The following TDRD5 variants were observed in gnomAD, a reference collection of about 807,000 sequenced individuals.
The protein encoded by TDRD5 is tudor domain-containing protein 5.
In TDRD5, 41 loss-of-function variants were observed where a neutral mutation model predicts 120.6. The ratio of observed to expected loss-of-function variants is 0.34; its 90% CI spans 0.26 to 0.44. TDRD5 has a LOEUF of 0.44. Ranked by LOEUF, TDRD5 falls within the 20% of genes least tolerant of loss-of-function variation. The pLI is 1.00. For synonymous variants in TDRD5, 430 were observed against 433.7 expected, an observed-to-expected ratio of 0.99 and a Z score of 0.11; for missense variants, 1,006 against 1,221.2, an observed-to-expected ratio of 0.82 and a Z score of 2.63.
intron 1 of TDRD5, 68 bp downstream of exon 1, chr1:179,592,193 G>C (rs1445156881): frequency 5.8e-6 from 1 of 171,550 alleles, no homozygotes; most frequent in African/African-American, 2.4e-5. Flanking sequence ...CCTCGGCTTG[G>C]GGTGCCAGAG....
At position 179,635,847 on chromosome 1, in the gene TDRD5, G is replaced by T; in HGVS notation, c.1480G>T (p.Asp494Tyr). Residue 494 changes from aspartate to tyrosine, a missense_variant, in exon 9 of 18, where the codon GAT becomes TAT. Transcript: ENST00000444136. Reference protein sequence around the residue: ...SQFYIRIYSRDSSELLEDMMI... With the variant: ...SQFYIRIYSRYSSELLEDMMI... Reference sequence around the variant, plus strand: ...ATTCTACATCCGGATCTATAGCAGGGATTCGTCAGAGTTACTCGAAGACAT... The same window carrying T: ...ATTCTACATCCGGATCTATAGCAGGTATTCGTCAGAGTTACTCGAAGACAT... 6.2e-7 allele frequency: 1 copy of T among 1,613,762 alleles called. No homozygotes were observed.
chr1:179,686,602 G>C lies in TDRD5; in HGVS notation c.2861-4094G>C, dbSNP rs1169888948. Among the ~76,000 whole-genome samples the C allele has an allele frequency of 2.0e-5, 3 of 152,160 alleles. No individual in the cohort carries two copies. The East Asian group carries it at 5.8e-4, about 29-fold the overall frequency. Reference sequence around the variant, plus strand: ...CCCTCTTTTTCTATTGATTGAAATAGTTTCAGAAGGAATGGTACCAGCTCC... The same window carrying C: ...CCCTCTTTTTCTATTGATTGAAATACTTTCAGAAGGAATGGTACCAGCTCC... On this transcript the variant is annotated intron_variant, in intron 17 of 17. Coordinates refer to ENST00000444136, the MANE Select transcript of TDRD5 (RefSeq NM_001199085.3).
chr1:179,689,398 G>A (rs1291810882), intron 17 of TDRD5, among the ~76,000 whole-genome samples: 3 of 152,228 alleles, frequency 2.0e-5, no homozygotes, highest in Non-Finnish European at 4.4e-5. Context: ...GTTGCTGCCT[G>A]ATCCTTCCTC....
intron 11 of TDRD5, among the ~76,000 whole-genome samples, chr1:179,643,053 A>G (rs1393681753): frequency 6.6e-6 from 1 of 152,188 alleles, no homozygotes; most frequent in African/African-American, 2.4e-5. Flanking sequence ...AAATCATTAT[A>G]TATGATCTGC....
At chr1:179,652,229 C>T in intron 13 of TDRD5, 32 bp downstream of exon 13, 2 of 1,557,138 alleles carry the variant, frequency 1.3e-6, no homozygotes, top group South Asian at 2.4e-5. Context: ...TATTATAATT[C>T]TTTTTATTAC....
chr1:179,636,593 A>G (rs759875944), intron 9 of TDRD5, among the ~76,000 whole-genome samples: 4 of 152,248 alleles, frequency 2.6e-5, no homozygotes, highest in Non-Finnish European at 5.9e-5. Flanking sequence ...GGATCATACA[A>G]CTTTATAACA....
intron 11 of TDRD5, among the ~76,000 whole-genome samples, chr1:179,646,269 C>A (rs1012250120): frequency 1.3e-5 from 2 of 152,122 alleles, no homozygotes; most frequent in Non-Finnish European, 2.9e-5. Context: ...ACTCCTTTAC[C>A]CTCCTCTTCT....
chr1:179,595,965 T>A, intron 4 of TDRD5, 147 bp downstream of exon 4: 1 of 773,818 alleles, frequency 1.3e-6, no homozygotes, highest in Non-Finnish European at 1.9e-6. Context: ...TATGGTTCTG[T>A]AGATTAGTAA....
chr1:179,654,967 A>T (rs1358859149), intron 14 of TDRD5, among the ~76,000 whole-genome samples: 4 of 152,142 alleles, frequency 2.6e-5, no homozygotes, highest in Admixed American at 1.3e-4. Flanking sequence ...ACCCATTGGG[A>T]AAAATGTTTA....
chr1:179,690,977 A>G lies in TDRD5; in HGVS notation c.*34A>G. On this transcript the variant is annotated 3_prime_UTR_variant, in exon 18 of 18. Coordinates refer to ENST00000444136, the MANE Select transcript of TDRD5 (RefSeq NM_001199085.3). Reference sequence around the variant, plus strand: ...GGGAGGAGGGAGAAAAACAGAATCCAGCCGCTTAGGCTTTGATGAACTCCC... The same window carrying G: ...GGGAGGAGGGAGAAAAACAGAATCCGGCCGCTTAGGCTTTGATGAACTCCC... 1 of 1,590,546 alleles carries G rather than the reference A, an allele frequency of 6.3e-7. No individual in the cohort carries two copies. The highest frequency in any genetic ancestry group is 8.6e-7 in the Non-Finnish European group (1 of 1,168,508).
At chr1:179,678,021 G>A (rs917951268) in intron 17 of TDRD5, among the ~76,000 whole-genome samples, 3 of 152,124 alleles carry the variant, frequency 2.0e-5, no homozygotes, top group African/African-American at 7.2e-5. Flanking sequence ...CACCAACCAG[G>A]TGGGGGCAGG....
chr1:179,635,026 CCACA>C (rs1677689224), intron 8 of TDRD5, among the ~76,000 whole-genome samples: 1 of 152,092 alleles, frequency 6.6e-6, no homozygotes, highest in Non-Finnish European at 1.5e-5. Flanking sequence ...TCTTGCATCT[CCACA>C]CACAGTTCAC....
intron 11 of TDRD5, 48 bp downstream of exon 11, chr1:179,640,493 T>A (rs768269907): frequency 4.5e-6 from 7 of 1,563,732 alleles, no homozygotes; most frequent in Non-Finnish European, 6.2e-6. Flanking sequence ...TGAGTGCCTA[T>A]TATGTGCCAA....
chr1:179,676,870 C>T (rs1052594182), intron 17 of TDRD5, among the ~76,000 whole-genome samples: 1 of 152,176 alleles, frequency 6.6e-6, no homozygotes, highest in Non-Finnish European at 1.5e-5. Flanking sequence ...GTTCTTTGAG[C>T]TGCTTGTATT....
intron 6 of TDRD5, among the ~76,000 whole-genome samples, chr1:179,622,433 C>G (rs1410200898): frequency 6.6e-6 from 1 of 151,884 alleles, no homozygotes; most frequent in Non-Finnish European, 1.5e-5. Flanking sequence ...GACCCCTTGA[C>G]AAAGAAAAGG....
chr1:179,622,502 G>T (rs542817436), intron 6 of TDRD5, among the ~76,000 whole-genome samples: 10 of 152,236 alleles, frequency 6.6e-5, no homozygotes, highest in African/African-American at 2.2e-4. Flanking sequence ...AGGTTTTAAA[G>T]TAACTCTTAC....
At position 179,651,045 on chromosome 1, in the gene TDRD5, G is replaced by A. The variant is rs748869089; in HGVS notation, c.1979G>A (p.Cys660Tyr). 1.2e-6 allele frequency: 2 copies of A among 1,614,082 alleles called. No homozygotes were observed. Among genetic ancestry groups the A allele is most frequent in the Admixed American group, 1.7e-5 (1 of 60,014 alleles). ...VLRTEGHAIVCRENISSKGFS... is the reference protein window; with the variant it reads ...VLRTEGHAIVYRENISSKGFS... Reference sequence around the variant, plus strand: ...AGAACAGAGGGCCATGCTATTGTATGCCGAGAAAATATCTCTTCTAAGGTG... The same window carrying A: ...AGAACAGAGGGCCATGCTATTGTATACCGAGAAAATATCTCTTCTAAGGTG... The change falls in exon 12 of 18, where the codon TGC (cysteine) becomes TAC (tyrosine). Residue 660 changes from cysteine to tyrosine, a missense_variant. Physicochemically the swap from Cys to Tyr is radical, Grantham distance 194. Coordinates refer to ENST00000444136, the MANE Select transcript of TDRD5 (RefSeq NM_001199085.3).
chr1:179,648,361 A>G (rs1026278938), intron 11 of TDRD5, among the ~76,000 whole-genome samples: 1 of 138,172 alleles, frequency 7.2e-6, no homozygotes, highest in African/African-American at 2.6e-5. Flanking sequence ...AAAACCAAAC[A>G]CCGCATATTC....
intron 4 of TDRD5, among the ~76,000 whole-genome samples, chr1:179,599,864 AACATAGTGCAATGCAACACTT>A (rs1675608992): frequency 6.6e-6 from 1 of 152,324 alleles, no homozygotes; most frequent in African/African-American, 2.4e-5. Flanking sequence ...CTGTTGTAAC[AACATAGTGCAATGCAACACTT>A]ACATTTGTGG....
Sources: gnomAD v4.1 joint callset for allele counts (sites outside exome capture counted in the v4.1 genomes callset) on GRCh38, gnomAD v4.1.1 for gene constraint, MANE v1.5 for transcripts, NCBI Gene and HGNC (gene_info 2026-07-23, HGNC 2026-07-21) for gene names.